ORC4: variants seen among roughly 807,000 people sequenced by gnomAD.
ORC4 encodes origin recognition complex subunit 4, also known as origin recognition complex, subunit 4 homolog.
In ORC4, 55 loss-of-function variants were observed where a neutral mutation model predicts 63.9. That is an observed-to-expected ratio of 0.86 (90% CI 0.69 to 1.08). The LOEUF (loss-of-function observed/expected upper bound fraction) is 1.08. ORC4 is among the 50% of genes least tolerant of loss of function. The probability of loss-of-function intolerance (pLI) is 0.00; values close to 1 mark genes in which losing one functional copy is unlikely to be tolerated. For synonymous variants in ORC4, 150 were observed against 168.5 expected (o/e 0.89, Z 0.85); for missense variants, 511 against 504.4 (o/e 1.01, Z -0.13).
intron 1 of ORC4, among the ~76,000 whole-genome samples, chr2:147,995,235 T>C (rs1194918220): frequency 1.3e-5 from 2 of 151,558 alleles, no homozygotes; most frequent in African/African-American, 4.9e-5. Flanking sequence ...CAGCACTCTG[T>C]GTCTAAAGTA....
intron 1 of ORC4, among the ~76,000 whole-genome samples, chr2:147,987,704 A>G (rs1401160910): frequency 2.0e-5 from 3 of 152,136 alleles, no homozygotes; most frequent in South Asian, 2.1e-4. Context: ...AATTTTTCCT[A>G]TCTTTCATAT....
chr2:147,942,091 T>C (rs1688397552), intron 10 of ORC4, among the ~76,000 whole-genome samples: 1 of 152,136 alleles, frequency 6.6e-6, no homozygotes, highest in African/African-American at 2.4e-5. Context: ...TCAATTTCTT[T>C]AGGGGTAAGA....
intron 1 of ORC4, among the ~76,000 whole-genome samples, chr2:148,001,305 C>A (rs749828373): frequency 1.3e-4 from 20 of 152,232 alleles, no homozygotes; most frequent in Middle Eastern, 3.4e-3. Context: ...AGAGAAGAAA[C>A]AGGCTGCTTA....
At position 147,943,529 on chromosome 2, in the gene ORC4, GGAA is replaced by G; in HGVS notation, c.763-10_763-8del. The G allele has an allele frequency of 8.6e-7, 1 of 1,167,708 alleles. No individual in the cohort carries two copies. The highest frequency in any genetic ancestry group is 1.2e-6 in the Non-Finnish European group (1 of 859,996). The allele number at this position is 1,167,708 out of a possible 1,614,324, so 72.3% of individuals were successfully genotyped here. On this transcript the variant is annotated splice_region_variant and splice_polypyrimidine_tract_variant and intron_variant, in intron 9 of 13. Coordinates refer to ENST00000392857, the MANE Select transcript of ORC4 (RefSeq NM_181741.4). ...TTCTATCTTCTGAGAGATACTAAAA[GGAA>G]AAAAAAAAAAAAAGCCAAAATTGAG...
At chr2:147,949,721 C>A (rs1177213737) in intron 8 of ORC4, among the ~76,000 whole-genome samples, 1 of 151,868 alleles carries the variant, frequency 6.6e-6, no homozygotes, top group East Asian at 1.9e-4. Context: ...GATATAATAC[C>A]TAGTTTTTGC....
rs897172 is a variant in ORC4, at chr2:148,020,703, A to G, written c.-88T>C. 0.33 allele frequency: 50,297 copies of G among 152,136 alleles called. 8,580 individuals are homozygous for G. The highest frequency in any genetic ancestry group is 0.52 in the East Asian group (2,702 of 5,150). 9.4% of individuals were successfully genotyped at this position (152,136 alleles called of 1,614,324 possible). On this transcript the variant is annotated 5_prime_UTR_variant, in exon 1 of 14. Coordinates refer to ENST00000392857, the MANE Select transcript of ORC4 (RefSeq NM_181741.4). The stretch of plus-strand genomic sequence containing the variant: ...ATCGCCTGGCCGCGTCCTCTGCTAG[A>G]CTTCACCTGCCGCTGCGGACCGTAC...
chr2:147,983,326 C>T (rs1408277661), intron 1 of ORC4, among the ~76,000 whole-genome samples: 2 of 152,182 alleles, frequency 1.3e-5, no homozygotes, highest in Non-Finnish European at 2.9e-5. Context: ...ACTCAATGAG[C>T]CAATGGGGTT....
intron 1 of ORC4, among the ~76,000 whole-genome samples, chr2:147,997,628 T>C (rs2105422780): frequency 6.6e-6 from 1 of 152,222 alleles, no homozygotes; most frequent in East Asian, 1.9e-4. Context: ...ATGACAAAGC[T>C]CTATGATCTC....
chr2:147,943,924 A>C (rs2105273593), intron 9 of ORC4, among the ~76,000 whole-genome samples: 1 of 152,294 alleles, frequency 6.6e-6, no homozygotes, highest in South Asian at 2.1e-4. Flanking sequence ...CAAGAGATTT[A>C]AAAAAGAAGG....
intron 4 of ORC4, among the ~76,000 whole-genome samples, chr2:147,960,950 T>A (rs1274474396): frequency 3.9e-5 from 6 of 152,132 alleles, no homozygotes; most frequent in South Asian, 2.1e-4. Flanking sequence ...ATTTTTTTTT[T>A]AAATAAAATG....
chr2:147,998,275 T>C (rs1692093836), intron 1 of ORC4, among the ~76,000 whole-genome samples: 1 of 152,200 alleles, frequency 6.6e-6, no homozygotes, highest in Non-Finnish European at 1.5e-5. Flanking sequence ...GGTCATGCTA[T>C]AATTTGGATT....
chr2:147,958,006 C>T (rs2105313508), intron 6 of ORC4, among the ~76,000 whole-genome samples: 1 of 152,216 alleles, frequency 6.6e-6, no homozygotes, highest in Admixed American at 6.5e-5. Flanking sequence ...TCCAGAGATA[C>T]AGAATCAAAG....
In ORC4 at chr2:147,977,655, G is replaced by A. The variant is rs187207369; in HGVS notation, c.-17-1680C>T. Among the ~76,000 whole-genome samples, 206 of 152,288 alleles carry A rather than the reference G, an allele frequency of 1.4e-3. 1 individual carries two copies. Among genetic ancestry groups the A allele is most frequent in the Non-Finnish European group, 2.3e-3 (156 of 68,020 alleles). ...GACTTGGAAAGGGCCCTGTCCTCCCGATAGGACCTTGTTACCAGGGGCTGT... is the reference window on the plus strand; with the variant it reads ...GACTTGGAAAGGGCCCTGTCCTCCCAATAGGACCTTGTTACCAGGGGCTGT... On this transcript the variant is annotated intron_variant, in intron 1 of 13. Coordinates refer to ENST00000392857, the MANE Select transcript of ORC4 (RefSeq NM_181741.4).
At chr2:147,948,821 C>A (rs1688796551) in intron 8 of ORC4, among the ~76,000 whole-genome samples, 1 of 151,122 alleles carries the variant, frequency 6.6e-6, no homozygotes. Flanking sequence ...ACGAAGTGTT[C>A]TTAAATGAAG....
intron 1 of ORC4, among the ~76,000 whole-genome samples, chr2:148,011,197 A>T (rs901970093): frequency 6.6e-6 from 1 of 152,182 alleles, no homozygotes; most frequent in Non-Finnish European, 1.5e-5. Context: ...ACAGGCCAGT[A>T]TCTCTGATGA....
chr2:147,991,576 C>A (rs1216632454), intron 1 of ORC4, among the ~76,000 whole-genome samples: 1 of 152,018 alleles, frequency 6.6e-6, no homozygotes, highest in Non-Finnish European at 1.5e-5. Context: ...CACCTGTAAT[C>A]CCAGCACTTT....
At chr2:147,980,486 AAAC>A (rs1448711197) in intron 1 of ORC4, among the ~76,000 whole-genome samples, 2 of 152,138 alleles carry the variant, frequency 1.3e-5, no homozygotes, top group East Asian at 3.8e-4. Context: ...GAACTAAAAA[AAAC>A]AAAAACAAAA....
chr2:147,948,259 G>GA, intron 8 of ORC4, 35 bp from the exon 9 acceptor site: 1 of 1,483,376 alleles, frequency 6.7e-7, no homozygotes, highest in Non-Finnish European at 9.3e-7. Context: ...TAAGGAAGAT[G>GA]AATGTTTTTA....
intron 6 of ORC4, among the ~76,000 whole-genome samples, chr2:147,957,115 TTAA>T (rs1249346247): frequency 1.4e-5 from 2 of 147,806 alleles, no homozygotes; most frequent in African/African-American, 4.9e-5. Flanking sequence ...ATATATTATA[TTAA>T]TAATTTAGAT....
Sources: allele counts gnomAD v4.1 joint callset (sites outside exome capture counted in the v4.1 genomes callset), GRCh38; gene constraint gnomAD v4.1.1; transcripts MANE v1.5; gene names NCBI Gene and HGNC (gene_info 2026-07-23, HGNC 2026-07-21).